PRKCE: variants seen among roughly 807,000 people sequenced by gnomAD.
PRKCE encodes the protein protein kinase C epsilon type.
A neutral mutation model predicts 85.4 loss-of-function variants in PRKCE; 16 were observed. The observed-to-expected ratio is 0.19, with a 90% CI of 0.13 to 0.28. The LOEUF is 0.28. Among genes scored for constraint, PRKCE ranks in the 10% least tolerant of loss-of-function variants. The probability of loss-of-function intolerance (pLI) is 1.00; values close to 1 mark genes in which losing one functional copy is unlikely to be tolerated. For missense variants in PRKCE, 573 were observed against 975.2 expected, an observed-to-expected ratio of 0.59 and a Z score of 5.49; for synonymous variants, 388 against 371.5, an observed-to-expected ratio of 1.04 and a Z score of -0.51.
rs1253463740 is a variant in PRKCE at position 46,155,475 on chromosome 2, C to T, written c.1921-4131C>T. Among the ~76,000 whole-genome samples, 1 of 152,128 alleles carries T rather than the reference C, an allele frequency of 6.6e-6. No individual in the cohort carries two copies. Among genetic ancestry groups the T allele is most frequent in the African/African-American group, 2.4e-5 (1 of 41,408 alleles). ...TGTGCTCTCCCCTGCACAGCACTCT[C>T]CCACTTCCCACCCTGCACTCAGGGA... On this transcript the variant is annotated intron_variant, in intron 13 of 14. Transcript: ENST00000306156. This position sits in a 1 kb window ranked among gnomAD's most constrained non-coding sequence, Gnocchi z 4.7.
At position 45,742,815 on chromosome 2, in the gene PRKCE, G is replaced by C. The variant is rs1682690432; in HGVS notation, c.348+90367G>C. Among the ~76,000 whole-genome samples the C allele has an allele frequency of 2.0e-5, 3 of 152,296 alleles. No individual in the cohort carries two copies. In the South Asian group the frequency reaches 6.2e-4, roughly 32 times the overall value. On this transcript the variant is annotated intron_variant, in intron 1 of 14. Transcript: ENST00000306156. Reference sequence around the variant, plus strand: ...TGTATCCAAAGGAAATAAAATCACTGTCTCAAAGAGAAATCTGCACTTTCG... The same window carrying C: ...TGTATCCAAAGGAAATAAAATCACTCTCTCAAAGAGAAATCTGCACTTTCG...
intron 10 of PRKCE, among the ~76,000 whole-genome samples, chr2:46,053,327 G>C (rs1253185192): frequency 6.6e-6 from 1 of 152,092 alleles, no homozygotes. Context: ...ACTCCCCCCC[G>C]ATTATTTATT....
At position 46,184,773 on chromosome 2, in the gene PRKCE, T is replaced by C. The variant is rs769564308; in HGVS notation, c.2106T>C (p.Phe702=). The change falls in exon 15 of 15, where the codon TTT becomes TTC. Residue 702 remains phenylalanine, a synonymous_variant. Coordinates refer to ENST00000306156, the MANE Select transcript of PRKCE (RefSeq NM_005400.3). This position sits in a 1 kb window ranked among gnomAD's most constrained non-coding sequence, Gnocchi z 5.0. ...ACGTCAATAATTTTGACCAAGACTT[T>C]ACCCGGGAAGAGCCGGTACTCACCC... ...KRDVNNFDQD[F]TREEPVLTLV... is the part of the protein sequence containing the mutation. 19 of 1,599,636 alleles carry C rather than the reference T, an allele frequency of 1.2e-5. No homozygotes were observed. The highest frequency in any genetic ancestry group is 1.6e-4 in the Middle Eastern group (1 of 6,082).
chr2:45,927,874 C>T (rs1698748949), intron 2 of PRKCE, among the ~76,000 whole-genome samples: 1 of 150,618 alleles, frequency 6.6e-6, no homozygotes, highest in South Asian at 2.1e-4. Context: ...ATACCCAAGG[C>T]TTCGTGTAGA....
In PRKCE at chr2:45,980,381, G is replaced by C; in HGVS notation, c.693G>C (p.Gln231His). Residue 231 changes from glutamine to histidine, a missense_variant and splice_region_variant, in exon 5 of 15, where the codon CAG becomes CAC. Gln to His is a conservative substitution (Grantham distance 24). This residue lies in a region of PRKCE where 18 missense variants were observed against 17.4 expected (regional missense o/e 1.04). Coordinates refer to ENST00000306156, the MANE Select transcript of PRKCE (RefSeq NM_005400.3). Reference protein sequence around the residue: ...AGLKKQETPDQVGSQRFSVNM... With the variant: ...AGLKKQETPDHVGSQRFSVNM... ...TAAAGAAGCAGGAGACCCCCGACCA[G>C]GTAAGTGTTGGTGACACGGAAATTC... The C allele has an allele frequency of 6.3e-7, 1 of 1,599,644 alleles. No individual in the cohort carries two copies.
chr2:45,992,135 C>T (rs1372436700), intron 6 of PRKCE, among the ~76,000 whole-genome samples: 1 of 152,156 alleles, frequency 6.6e-6, no homozygotes, highest in Non-Finnish European at 1.5e-5. Context: ...GAGCAATTTA[C>T]AGGCAAGAGA....
At chr2:45,891,636 C>T (rs1695728790) in intron 2 of PRKCE, among the ~76,000 whole-genome samples, 1 of 152,188 alleles carries the variant, frequency 6.6e-6, no homozygotes, top group Admixed American at 6.5e-5. Context: ...AGACCTGGGG[C>T]TCTGCCTTCC....
At chr2:45,814,134 A>G (rs1393156498) in intron 1 of PRKCE, among the ~76,000 whole-genome samples, 1 of 152,106 alleles carries the variant, frequency 6.6e-6, no homozygotes, top group East Asian at 1.9e-4. Flanking sequence ...GAAGAGGGTG[A>G]CTACTCTCCT....
At chr2:45,806,832 G>C (rs1350844432) in intron 1 of PRKCE, among the ~76,000 whole-genome samples, 3 of 152,172 alleles carry the variant, frequency 2.0e-5, no homozygotes, top group Non-Finnish European at 4.4e-5. Context: ...GACTAAGGAG[G>C]GGAAGGCTGG....
At chr2:45,880,770 T>C (rs1327322612) in intron 2 of PRKCE, among the ~76,000 whole-genome samples, 2 of 152,128 alleles carry the variant, frequency 1.3e-5, no homozygotes, top group Non-Finnish European at 2.9e-5. Context: ...TTGAATACAG[T>C]CTTATTAAGA....
intron 14 of PRKCE, among the ~76,000 whole-genome samples, chr2:46,163,220 G>A (rs1169157805): frequency 1.3e-5 from 2 of 151,910 alleles, no homozygotes; most frequent in East Asian, 1.9e-4. Context: ...CCACTGGAGA[G>A]CCATGGGGAA....
Position 45,888,666 on chromosome 2 carries a change from G to A in PRKCE, c.412+45603G>A, listed in dbSNP as rs368555462. Among the ~76,000 whole-genome samples, 3 of 152,142 alleles carry A rather than the reference G, an allele frequency of 2.0e-5. No individual in the cohort carries two copies. In the East Asian group the frequency reaches 5.8e-4, roughly 29 times the overall value. ...GGGGTTTCACCATGTTGGCCAGGCT[G>A]GTTTCGAACTCCTGGCCTCTGGTGA... On this transcript the variant is annotated intron_variant, in intron 2 of 14. Coordinates refer to ENST00000306156, the MANE Select transcript of PRKCE (RefSeq NM_005400.3).
intron 11 of PRKCE, among the ~76,000 whole-genome samples, chr2:46,115,827 C>T (rs1672713302): frequency 6.6e-6 from 1 of 152,180 alleles, no homozygotes; most frequent in Non-Finnish European, 1.5e-5. Context: ...GGGAACTCGG[C>T]TGAGAGAGAG....
At chr2:46,065,259 A>G (rs1483091737) in intron 10 of PRKCE, among the ~76,000 whole-genome samples, 2 of 152,062 alleles carry the variant, frequency 1.3e-5, no homozygotes, top group African/African-American at 2.4e-5. Context: ...CTGTTTATCT[A>G]GTATTCAGGG....
chr2:45,914,141 C>T (rs1297384790), intron 2 of PRKCE, among the ~76,000 whole-genome samples: 3 of 152,094 alleles, frequency 2.0e-5, no homozygotes, highest in Non-Finnish European at 4.4e-5. Context: ...ACTTAAATTA[C>T]GTGGAAGCAT....
At chr2:46,137,230 G>A (rs558508907) in intron 11 of PRKCE, among the ~76,000 whole-genome samples, 36 of 152,326 alleles carry the variant, frequency 2.4e-4, no homozygotes, top group African/African-American at 8.2e-4. Flanking sequence ...GTAAGTGGCA[G>A]AGTTGGGATA....
intron 2 of PRKCE, among the ~76,000 whole-genome samples, chr2:45,897,326 C>T (rs1022149835): frequency 1.3e-4 from 20 of 152,184 alleles, no homozygotes; most frequent in African/African-American, 4.8e-4. Context: ...GACCTGCGGA[C>T]ACTGATCTTC....
chr2:45,840,451 T>C (rs1232199173), intron 1 of PRKCE: 1 of 152,190 alleles, frequency 6.6e-6, no homozygotes, highest in Non-Finnish European at 1.5e-5. Flanking sequence ...CTTAAAATCA[T>C]GGACTCTTGG....
At chr2:45,989,014 G>A (rs149991801) in intron 6 of PRKCE, among the ~76,000 whole-genome samples, 1,957 of 152,152 alleles carry the variant, frequency 0.013, 14 homozygotes, top group Non-Finnish European at 0.021. Flanking sequence ...ACCTGCCCCC[G>A]TCCCATCCCC....
Sources: allele counts gnomAD v4.1 joint callset (sites outside exome capture counted in the v4.1 genomes callset), GRCh38; gene constraint gnomAD v4.1.1; regional missense constraint gnomAD v4.1.1; non-coding constraint Gnocchi (gnomAD v3.1); transcripts MANE v1.5; gene names NCBI Gene and HGNC (gene_info 2026-07-23, HGNC 2026-07-21).